Variants in AEN observed in about 807,000 individuals in gnomAD.
AEN encodes the protein apoptosis enhancing nuclease, also known as apoptosis-enhancing nuclease.
A neutral mutation model predicts 17.7 loss-of-function variants in AEN; 21 were observed. That is an observed-to-expected ratio of 1.19 (90% CI 0.84 to 1.71). AEN has a LOEUF of 1.71. AEN is among the 40% of genes most tolerant of loss of function. AEN has a pLI of 0.00. For missense variants in AEN, 462 were observed against 435.9 expected (o/e 1.06, Z -0.53); for synonymous variants, 190 against 173.0 (o/e 1.10, Z -0.77).
the AEN span, among the ~76,000 whole-genome samples, chr15:88,611,405 G>A: frequency 4.8e-5 from 7 of 146,774 alleles, no homozygotes; most frequent in African/African-American, 1.5e-4. Flanking sequence ...AGACCAGCCT[G>A]GGCAATATAC....
At chr15:88,615,959 T>G in the AEN span, among the ~76,000 whole-genome samples, 1 of 152,190 alleles carries the variant, frequency 6.6e-6, no homozygotes. Context: ...TCAAGTGTTT[T>G]CAGATTGAAA....
In AEN at chr15:88,626,616, G is replaced by A. The variant is rs766120920; in HGVS notation, c.407G>A (p.Ser136Asn). 20 of 1,613,970 alleles carry A rather than the reference G, an allele frequency of 1.2e-5. No homozygotes were observed. The South Asian group carries it at 1.3e-4, about 11-fold the overall frequency. Residue 136 changes from serine (S) to asparagine (N), a missense_variant, in exon 2 of 4, where the codon AGC becomes AAC. Ser to Asn is a conservative substitution (Grantham distance 46). Transcript: ENST00000332810. Reference protein sequence around the residue: ...VSELARCSIVSYHGNVLYDKY... With the variant: ...VSELARCSIVNYHGNVLYDKY... ...GAGCTGGCCCGCTGTTCCATTGTGAGCTACCATGGCAATGTCCTCTATGAC... is the reference window on the plus strand; with the variant it reads ...GAGCTGGCCCGCTGTTCCATTGTGAACTACCATGGCAATGTCCTCTATGAC...
At chr15:88,607,967 G>C in the AEN span, 1 of 320,726 alleles carries the variant, frequency 3.1e-6, no homozygotes, top group Non-Finnish European at 6.7e-6. Context: ...TTTATGAATT[G>C]TCCGGGGCAG....
rs2057919881 is a variant in AEN, at chr15:88,630,901, AGGAACTCCGTGCCTGGCCT to A, written c.*609_*627del. 3.3e-6 allele frequency: 1 copy of A among 302,838 alleles called. No homozygotes were observed. Among genetic ancestry groups the A allele is most frequent in the Non-Finnish European group, 6.8e-6 (1 of 147,082 alleles). 18.8% of individuals were successfully genotyped at this position (302,838 alleles called of 1,614,324 possible). A position where few individuals can be genotyped will look rare whatever the true frequency, so the allele number is the denominator to read the frequency against. ...CTGGAACTCTGGCTACAGCCATTGT[AGGAACTCCGTGCCTGGCCT>A]GTCAGCTCCCTGCTAGGCTACAGTG... On this transcript the variant is annotated 3_prime_UTR_variant, in exon 4 of 4. Coordinates refer to ENST00000332810, the MANE Select transcript of AEN (RefSeq NM_022767.4). The surrounding 1 kb of genome is among the most constrained non-coding windows in gnomAD (Gnocchi z 5.1).
Position 88,626,219 on chromosome 15 carries a change from C to A in AEN, c.10C>A (p.Arg4=). The A allele has an allele frequency of 6.3e-7, 1 of 1,585,878 alleles. No homozygotes were observed. Among genetic ancestry groups the A allele is most frequent in the East Asian group, 2.2e-5 (1 of 44,490 alleles). ...CAGTGAGCTGACTGGAATGGTACCC[C>A]GGGAGGCCCCTGAGTCTGCTCAGTG... The part of the protein sequence containing the change: MVP[R]EAPESAQCLC... The change falls in exon 2 of 4, where the codon CGG becomes AGG. Residue 4 remains arginine, a synonymous_variant. Coordinates refer to ENST00000332810, the MANE Select transcript of AEN (RefSeq NM_022767.4).
the AEN span, among the ~76,000 whole-genome samples, chr15:88,606,441 TG>T: frequency 3.3e-5 from 5 of 152,122 alleles, no homozygotes; most frequent in Admixed American, 6.5e-5. Context: ...AAGTGACCTT[TG>T]TATGAGGAGC....
At chr15:88,625,297 A>G (rs2057837385) in intron 1 of AEN, among the ~76,000 whole-genome samples, 1 of 152,178 alleles carries the variant, frequency 6.6e-6, no homozygotes. Flanking sequence ...AAGTGGGCGG[A>G]TCACTTGAGC....
rs2057854600 is a variant in AEN, at chr15:88,626,450, A to G, written c.241A>G (p.Lys81Glu). 2 of 1,613,860 alleles carry G rather than the reference A, an allele frequency of 1.2e-6. No homozygotes were observed. Among genetic ancestry groups the G allele is most frequent in the South Asian group, 2.2e-5 (2 of 91,078 alleles). ...AGCAACTGAAGCTGCCAGCAGTGGGAAGCAGTGTCTGAGGGCTGGATCTGG... is the reference window on the plus strand; with the variant it reads ...AGCAACTGAAGCTGCCAGCAGTGGGGAGCAGTGTCTGAGGGCTGGATCTGG... Reference protein sequence around the residue: ...ATATEAASSGKQCLRAGSGSA... With the variant: ...ATATEAASSGEQCLRAGSGSA... The change falls in exon 2 of 4, where the codon AAG becomes GAG. Residue 81 changes from lysine to glutamate, a missense_variant. Coordinates refer to ENST00000332810, the MANE Select transcript of AEN (RefSeq NM_022767.4).
rs144859537 is a variant in AEN at position 88,631,838 on chromosome 15, G to T, written c.*1544G>T. 1 of 152,418 alleles carries T rather than the reference G, an allele frequency of 6.6e-6. No individual in the cohort carries two copies. The highest frequency in any genetic ancestry group is 6.5e-5 in the Admixed American group (1 of 15,290). The allele number at this position is 152,418 out of a possible 1,614,324, so 9.4% of individuals were successfully genotyped here. On this transcript the variant is annotated 3_prime_UTR_variant, in exon 4 of 4. Coordinates refer to ENST00000332810, the MANE Select transcript of AEN (RefSeq NM_022767.4). The stretch of plus-strand genomic sequence containing the variant: ...AGCAGCAAGGTTCACGGATATCCGT[G>T]TGTCTTGTCTGTGGCCACCAGGCAC...
chr15:88,620,098 C>G (rs1203349137), upstream of AEN, among the ~76,000 whole-genome samples: 2 of 152,108 alleles, frequency 1.3e-5, no homozygotes, highest in Non-Finnish European at 2.9e-5. Flanking sequence ...GTCCTGCTTC[C>G]CTCAAATTTG....
Position 88,629,170 on chromosome 15 carries a change from C to T in AEN, c.541-56C>T, listed in dbSNP as rs537201561. On this transcript the variant is annotated intron_variant, in intron 2 of 3. Transcript: ENST00000332810. ...GGCCAGGGGTTCTCAGGGCGTGTCT[C>T]CTGCCAACCTGATGGGGTGTGGGGT... The T allele has an allele frequency of 3.8e-6, 6 of 1,582,176 alleles. No homozygotes were observed. The East Asian group carries it at 9.0e-5, about 24-fold the overall frequency.
chr15:88,624,363 G>A (rs1403674359), intron 1 of AEN, among the ~76,000 whole-genome samples: 1 of 152,192 alleles, frequency 6.6e-6, no homozygotes, highest in East Asian at 1.9e-4. Context: ...GGAAAGGGCA[G>A]TGAGTCCAGG....
upstream of AEN, among the ~76,000 whole-genome samples, chr15:88,620,680 T>C (rs2057775777): frequency 6.6e-6 from 1 of 152,060 alleles, no homozygotes; most frequent in African/African-American, 2.4e-5. Flanking sequence ...AGTGCTGGGA[T>C]TACAGTCGTG....
the AEN span, chr15:88,611,826 T>G: frequency 3.9e-6 from 2 of 517,082 alleles, no homozygotes; most frequent in Non-Finnish European, 7.9e-6. Flanking sequence ...AGAACTGGCC[T>G]GGATACAGAG....
intron 2 of AEN, 47 bp downstream of exon 2, chr15:88,626,796 A>G: frequency 6.4e-7 from 1 of 1,560,964 alleles, no homozygotes; most frequent in Non-Finnish European, 8.7e-7. Context: ...GTGGGCTGGA[A>G]AGAGCCACCC....
Position 88,630,800 on chromosome 15 carries a change from G to T in AEN, c.*506G>T. On this transcript the variant is annotated 3_prime_UTR_variant, in exon 4 of 4. Transcript: ENST00000332810. The surrounding 1 kb of genome is among the most constrained non-coding windows in gnomAD (Gnocchi z 5.1). ...GCCTACCTCTTCCTCCACTCATTTGGGTTCAGAATAAACATGTCCTGAAGT... is the reference window on the plus strand; with the variant it reads ...GCCTACCTCTTCCTCCACTCATTTGTGTTCAGAATAAACATGTCCTGAAGT... The T allele has an allele frequency of 1.3e-5, 3 of 225,622 alleles. No individual in the cohort carries two copies. Among genetic ancestry groups the T allele is most frequent in the Non-Finnish European group, 1.8e-5 (2 of 108,266 alleles). The allele number at this position is 225,622 out of a possible 1,614,324, so 14.0% of individuals were successfully genotyped here. A position where few individuals can be genotyped will look rare whatever the true frequency, so the allele number is the denominator to read the frequency against.
At chr15:88,624,814 C>T (rs1056081462) in intron 1 of AEN, among the ~76,000 whole-genome samples, 5 of 151,004 alleles carry the variant, frequency 3.3e-5, no homozygotes, top group African/African-American at 1.2e-4. Flanking sequence ...AGCCGGGAGG[C>T]GGAGGTTGCA....
chr15:88,621,555 CCA>C, intron 1 of AEN, 173 bp downstream of exon 1: 1 of 152,386 alleles, frequency 6.6e-6, no homozygotes, highest in Non-Finnish European at 1.5e-5. Flanking sequence ...CCGCCTGTCT[CCA>C]GCCCTCGCTC....
upstream of AEN, among the ~76,000 whole-genome samples, chr15:88,616,708 G>A (rs1366860914): frequency 1.3e-5 from 2 of 152,146 alleles, no homozygotes; most frequent in African/African-American, 4.8e-5. Flanking sequence ...TTACAATAGT[G>A]CAAAAGCAAT....
Sources: gnomAD v4.1 joint callset for allele counts (sites outside exome capture counted in the v4.1 genomes callset) on GRCh38, gnomAD v4.1.1 for gene constraint, Gnocchi (gnomAD v3.1) non-coding constraint, MANE v1.5 for transcripts, NCBI Gene and HGNC (gene_info 2026-07-23, HGNC 2026-07-21) for gene names.